DMRT1: variants seen among roughly 807,000 people sequenced by gnomAD.
The protein encoded by DMRT1 is doublesex and mab-3 related transcription factor 1.
DMRT1 carries 7 observed loss-of-function variants against 32.3 expected under a neutral mutation model. That is an observed-to-expected ratio of 0.22 (90% CI 0.12 to 0.41). The LOEUF (loss-of-function observed/expected upper bound fraction) is 0.41. Ranked by LOEUF, DMRT1 falls within the 10% of genes least tolerant of loss-of-function variation. The pLI is 1.00. For synonymous variants in DMRT1, 278 were observed against 206.1 expected (o/e 1.35, Z -2.99); for missense variants, 625 against 500.5 (o/e 1.25, Z -2.37).
In DMRT1 at chr9:893,781, C is replaced by T. The variant is rs1191592911; in HGVS notation, c.539-131C>T. 5 of 816,608 alleles carry T rather than the reference C, an allele frequency of 6.1e-6. No homozygotes were observed. The East Asian group carries it at 1.3e-4, about 22-fold the overall frequency. The allele number at this position is 816,608 out of a possible 1,614,324, so 50.6% of individuals were successfully genotyped here. A position where few individuals can be genotyped will look rare whatever the true frequency, so the allele number is the denominator to read the frequency against. ...TCCCTTATTTTGGCTATAGGAGAAG[C>T]AACAGATGGTTTTGTCTTCTGCATA... is the stretch of plus-strand genomic sequence containing the variant. On this transcript the variant is annotated intron_variant, in intron 2 of 4. Coordinates refer to ENST00000382276, the MANE Select transcript of DMRT1 (RefSeq NM_021951.3).
Position 841,710 on chromosome 9 carries a change from C to T in DMRT1, c.-129C>T, listed in dbSNP as rs1020440463. On this transcript the variant is annotated 5_prime_UTR_variant, in exon 1 of 5. Transcript: ENST00000382276. Reference sequence around the variant, plus strand: ...CCAGACCTCGCCACTCCAGCTGCGCCTCCGGCTGCAGCGCACACGTCTCCT... The same window carrying T: ...CCAGACCTCGCCACTCCAGCTGCGCTTCCGGCTGCAGCGCACACGTCTCCT... 1.4e-5 allele frequency: 21 copies of T among 1,537,378 alleles called. No individual in the cohort carries two copies. The highest frequency in any genetic ancestry group is 1.8e-5 in the Non-Finnish European group (20 of 1,142,270).
At chr9:869,209 A>T (rs540078439) in intron 2 of DMRT1, among the ~76,000 whole-genome samples, 1 of 152,254 alleles carries the variant, frequency 6.6e-6, no homozygotes, top group East Asian at 1.9e-4. Flanking sequence ...AGGATATTCT[A>T]CTAAGGCCAC....
chr9:964,388 A>G (rs555421264), intron 4 of DMRT1, among the ~76,000 whole-genome samples: 48 of 152,254 alleles, frequency 3.2e-4, no homozygotes, highest in Admixed American at 1.2e-3. Context: ...GTAGACAAAT[A>G]GGCTTCTTGA....
intron 2 of DMRT1, among the ~76,000 whole-genome samples, chr9:878,200 G>GCCCCCCCCC (rs34336062): frequency 1.3e-3 from 124 of 94,006 alleles, no homozygotes; most frequent in African/African-American, 2.0e-3. Flanking sequence ...TGCAGCTGCT[G>GCCCCCCCCC]CCCCCCCCCC....
rs1820001569 is a variant in DMRT1, at chr9:968,276, A to G, written c.*137A>G. 1 of 1,049,846 alleles carries G rather than the reference A, an allele frequency of 9.5e-7. No homozygotes were observed. The highest frequency in any genetic ancestry group is 1.6e-5 in the African/African-American group (1 of 63,186). 65.0% of individuals were successfully genotyped at this position (1,049,846 alleles called of 1,614,324 possible). ...ATTTGGTTTATATTCCTTAGAGTTT[A>G]GTCCAGAGGCTGTAACACATTTGTA... On this transcript the variant is annotated 3_prime_UTR_variant, in exon 5 of 5. Coordinates refer to ENST00000382276, the MANE Select transcript of DMRT1 (RefSeq NM_021951.3).
chr9:870,215 C>A (rs11788612), intron 2 of DMRT1, among the ~76,000 whole-genome samples: 2 of 152,040 alleles, frequency 1.3e-5, no homozygotes, highest in African/African-American at 2.4e-5. Flanking sequence ...CTGGGTAACA[C>A]GGTGAAACCC....
At chr9:886,092 G>A (rs1047482710) in intron 2 of DMRT1, among the ~76,000 whole-genome samples, 1 of 152,120 alleles carries the variant, frequency 6.6e-6, no homozygotes, top group African/African-American at 2.4e-5. Context: ...ATATACTTCT[G>A]TGGTTGCTGT....
chr9:875,984 G>T (rs1347296301), intron 2 of DMRT1, among the ~76,000 whole-genome samples: 1 of 152,140 alleles, frequency 6.6e-6, no homozygotes, highest in Non-Finnish European at 1.5e-5. Context: ...CTGCCTGGCT[G>T]GGAACTCGAG....
chr9:881,081 T>A (rs533061774), intron 2 of DMRT1, among the ~76,000 whole-genome samples: 1 of 151,854 alleles, frequency 6.6e-6, no homozygotes, highest in Admixed American at 6.6e-5. Context: ...TGGTCTGGGG[T>A]GTGGCCTGAT....
At chr9:859,966 C>G (rs1281337744) in intron 2 of DMRT1, among the ~76,000 whole-genome samples, 1 of 152,186 alleles carries the variant, frequency 6.6e-6, no homozygotes, top group Non-Finnish European at 1.5e-5. Context: ...TTGCCGTTAA[C>G]TACCCGTTAA....
At chr9:931,676 A>T (rs1289688606) in intron 4 of DMRT1, among the ~76,000 whole-genome samples, 2 of 152,176 alleles carry the variant, frequency 1.3e-5, no homozygotes, top group Non-Finnish European at 1.5e-5. Flanking sequence ...GTGGAGATAG[A>T]CACAGAGAGA....
chr9:850,727 CACTGTAT>C (rs1839109054), intron 2 of DMRT1, among the ~76,000 whole-genome samples: 1 of 113,026 alleles, frequency 8.8e-6, no homozygotes, highest in Middle Eastern at 4.7e-3. Context: ...CCTAGAATTC[CACTGTAT>C]AGATGTGAGG....
chr9:921,513 G>T (rs893060952), intron 4 of DMRT1, among the ~76,000 whole-genome samples: 3 of 152,156 alleles, frequency 2.0e-5, no homozygotes, highest in Non-Finnish European at 4.4e-5. Context: ...ATGCCTAGAA[G>T]TGGAATTGCT....
chr9:938,363 G>A lies in DMRT1; in HGVS notation c.967+21456G>A, dbSNP rs1040874484. Among the ~76,000 whole-genome samples, 8 of 152,122 alleles carry A rather than the reference G, an allele frequency of 5.3e-5. No homozygotes were observed. The South Asian group carries it at 1.7e-3, about 32-fold the overall frequency. On this transcript the variant is annotated intron_variant, in intron 4 of 4. Transcript: ENST00000382276. The stretch of plus-strand genomic sequence containing the variant: ...GAATTGAATCTGTAGATTGTTTTGG[G>A]TACTATTGTCATCTTAACAATATTA...
At chr9:905,771 C>T (rs1291453640) in intron 3 of DMRT1, among the ~76,000 whole-genome samples, 1 of 152,016 alleles carries the variant, frequency 6.6e-6, no homozygotes, top group Admixed American at 6.6e-5. Context: ...TAAACACAGC[C>T]TTTCCGGGCT....
chr9:894,789 T>A (rs1195851163), intron 3 of DMRT1: 2 of 157,766 alleles, frequency 1.3e-5, no homozygotes, highest in Non-Finnish European at 2.7e-5. Context: ...TTCTCCAAGT[T>A]TGTTTTTTTT....
At chr9:846,929 TG>T (rs2132542720) in intron 1 of DMRT1, 30 bp from the exon 2 acceptor site, 1 of 1,613,886 alleles carries the variant, frequency 6.2e-7, no homozygotes. Flanking sequence ...TCTGGAGTGC[TG>T]GAGGATGACT....
chr9:918,269 G>A (rs1437771382), intron 4 of DMRT1, among the ~76,000 whole-genome samples: 1 of 152,218 alleles, frequency 6.6e-6, no homozygotes, highest in Non-Finnish European at 1.5e-5. Flanking sequence ...AGGAACATTT[G>A]TTAATACAGA....
chr9:916,726 G>A (rs1818195447), intron 3 of DMRT1, 37 bp from the exon 4 acceptor site: 1 of 1,612,224 alleles, frequency 6.2e-7, no homozygotes, highest in East Asian at 2.2e-5. Context: ...GACATGCAAT[G>A]TTGATCTCAG....
Sources: allele counts gnomAD v4.1 joint callset (sites outside exome capture counted in the v4.1 genomes callset), GRCh38; gene constraint gnomAD v4.1.1; transcripts MANE v1.5; gene names NCBI Gene and HGNC (gene_info 2026-07-23, HGNC 2026-07-21).